CLVS1: variants seen among roughly 807,000 people sequenced by gnomAD.
CLVS1 encodes the protein clavesin-1.
In CLVS1, 10 loss-of-function variants were observed where a neutral mutation model predicts 33.1. The observed-to-expected ratio is 0.30, with a 90% CI of 0.19 to 0.51. The LOEUF (loss-of-function observed/expected upper bound fraction) is 0.51. Among genes scored for constraint, CLVS1 ranks in the 20% least tolerant of loss-of-function variants. CLVS1 has a pLI of 0.97. For missense variants in CLVS1, 343 were observed against 433.4 expected (o/e 0.79, Z 1.85); for synonymous variants, 163 against 166.1 (o/e 0.98, Z 0.14).
the CLVS1 span, among the ~76,000 whole-genome samples, chr8:61,031,359 T>C: frequency 2.0e-5 from 3 of 152,228 alleles, no homozygotes; most frequent in African/African-American, 7.2e-5. Context: ...ATGGGCTTCC[T>C]GGTGCCATCT....
intron 1 of CLVS1, among the ~76,000 whole-genome samples, chr8:61,298,635 C>T (rs1810307543): frequency 6.6e-6 from 1 of 152,088 alleles, no homozygotes; most frequent in African/African-American, 2.4e-5. Context: ...ATAAGATTGA[C>T]TTAAGAAAGC....
intron 3 of CLVS1, among the ~76,000 whole-genome samples, chr8:61,428,976 T>G (rs1167730282): frequency 6.6e-6 from 1 of 152,228 alleles, no homozygotes; most frequent in Non-Finnish European, 1.5e-5. Context: ...AGTTTGTTTG[T>G]GTTGTCATAG....
intron 3 of CLVS1, among the ~76,000 whole-genome samples, chr8:61,408,559 C>T (rs1460070738): frequency 2.6e-5 from 4 of 152,124 alleles, no homozygotes; most frequent in Non-Finnish European, 4.4e-5. Flanking sequence ...GCAAATTAGA[C>T]TTGGTTTTAT....
intron 3 of CLVS1, among the ~76,000 whole-genome samples, chr8:61,424,106 A>G (rs1815787607): frequency 6.6e-6 from 1 of 152,184 alleles, no homozygotes; most frequent in East Asian, 1.9e-4. Flanking sequence ...TACACAGATA[A>G]ACCTGTTAGC....
At chr8:61,320,754 C>T (rs1811165884) in intron 2 of CLVS1, among the ~76,000 whole-genome samples, 1 of 152,114 alleles carries the variant, frequency 6.6e-6, no homozygotes, top group African/African-American at 2.4e-5. Flanking sequence ...CTCTAGAGCC[C>T]TCATGAGCTA....
the CLVS1 span, among the ~76,000 whole-genome samples, chr8:60,991,152 A>G: frequency 1.5e-4 from 23 of 152,226 alleles, no homozygotes; most frequent in African/African-American, 5.5e-4. Flanking sequence ...AATAACAATA[A>G]TAATACTACT....
rs113745646 is a variant in CLVS1 at position 61,060,501 on chromosome 8, A to G, written c.-243+3271A>G. Among the ~76,000 whole-genome samples the G allele has an allele frequency of 6.1e-3, 929 of 152,298 alleles. 6 individuals carry two copies. Among genetic ancestry groups the G allele is most frequent in the African/African-American group, 0.021 (854 of 41,554 alleles). On this transcript the variant is annotated intron_variant, in intron 1 of 2. Transcript: ENST00000522621. ...AAAAAAATGCAGAAATTTGGCTTTAAATTGGTATTTTTCTCTTAATGTTCT... is the reference window on the plus strand; with the variant it reads ...AAAAAAATGCAGAAATTTGGCTTTAGATTGGTATTTTTCTCTTAATGTTCT...
At chr8:61,254,823 C>A (rs908955075) in intron 2 of CLVS1, among the ~76,000 whole-genome samples, 2 of 152,192 alleles carry the variant, frequency 1.3e-5, no homozygotes, top group African/African-American at 2.4e-5. Context: ...TCTGTCACCC[C>A]TTTCCTTGGC....
At chr8:61,365,786 T>C (rs1294684969) in intron 2 of CLVS1, among the ~76,000 whole-genome samples, 1 of 151,978 alleles carries the variant, frequency 6.6e-6, no homozygotes. Flanking sequence ...CGTGTGTGTG[T>C]GTGTGTGTTG....
chr8:61,310,501 A>G (rs954562137), intron 2 of CLVS1, among the ~76,000 whole-genome samples: 39 of 152,178 alleles, frequency 2.6e-4, no homozygotes, highest in African/African-American at 8.7e-4. Context: ...GGGCTGCAAA[A>G]TCAGACATTA....
chr8:61,392,344 A>G (rs1814336018), intron 3 of CLVS1, among the ~76,000 whole-genome samples: 2 of 150,822 alleles, frequency 1.3e-5, no homozygotes, highest in African/African-American at 4.9e-5. Flanking sequence ...GAAAAAAAAA[A>G]ATTTCTAAAT....
At chr8:61,261,996 G>GTGTGTGTGTGTA (rs1554551265) in intron 2 of CLVS1, among the ~76,000 whole-genome samples, 9 of 140,668 alleles carry the variant, frequency 6.4e-5, no homozygotes, top group African/African-American at 2.3e-4. Context: ...GTGTGTGTGT[G>GTGTGTGTGTGTA]TGTGTGTGTG....
At chr8:61,388,991 T>TGAGATC (rs1352476226) in intron 3 of CLVS1, among the ~76,000 whole-genome samples, 1 of 152,218 alleles carries the variant, frequency 6.6e-6, no homozygotes, top group Non-Finnish European at 1.5e-5. Context: ...TCAACGTTTT[T>TGAGATC]AAGATCAACA....
At chr8:61,340,747 G>C (rs763896340) in intron 2 of CLVS1, among the ~76,000 whole-genome samples, 1 of 152,066 alleles carries the variant, frequency 6.6e-6, no homozygotes, top group Non-Finnish European at 1.5e-5. Flanking sequence ...TAATTTTTTT[G>C]AGGACCCTCC....
Position 61,485,217 on chromosome 8 carries a change from G to T in CLVS1, c.978-14238G>T, listed in dbSNP as rs577209685. On this transcript the variant is annotated intron_variant, in intron 5 of 5. Transcript: ENST00000325897. ...TCATCTGACAAAAGGCTAATATCCA[G>T]AATCTACAATGAACTCAAACAAATT... Among the ~76,000 whole-genome samples, 4 of 152,158 alleles carry T rather than the reference G, an allele frequency of 2.6e-5. No individual in the cohort carries two copies. The South Asian group carries it at 6.2e-4, about 24-fold the overall frequency.
the CLVS1 span, among the ~76,000 whole-genome samples, chr8:60,996,972 G>A: frequency 7.9e-5 from 12 of 151,348 alleles, no homozygotes; most frequent in Non-Finnish European, 2.9e-5. Flanking sequence ...CCTCACCCCC[G>A]TCCCCACCTT....
chr8:61,115,854 T>G (rs1400632141), intron 1 of CLVS1, among the ~76,000 whole-genome samples: 1 of 147,764 alleles, frequency 6.8e-6, no homozygotes, highest in East Asian at 2.0e-4. Context: ...TGTGTCTTTA[T>G]AGCAGCATGA....
At chr8:61,288,805 C>T (rs1298675594) in intron 1 of CLVS1, among the ~76,000 whole-genome samples, 1 of 152,202 alleles carries the variant, frequency 6.6e-6, no homozygotes, top group Non-Finnish European at 1.5e-5. Context: ...TCATATTCAC[C>T]CACACGTCCG....
chr8:61,417,468 G>A (rs1195475882), intron 3 of CLVS1, among the ~76,000 whole-genome samples: 2 of 152,114 alleles, frequency 1.3e-5, no homozygotes, highest in East Asian at 3.9e-4. Flanking sequence ...ACTGCTTGAA[G>A]TGCCAAAGTT....
Sources: gnomAD v4.1 joint callset for allele counts (sites outside exome capture counted in the v4.1 genomes callset) on GRCh38, gnomAD v4.1.1 for gene constraint, MANE v1.5 for transcripts, NCBI Gene and HGNC (gene_info 2026-07-23, HGNC 2026-07-21) for gene names.